Variants in NR1H4 observed in about 807,000 individuals in gnomAD.
NR1H4 encodes bile acid receptor.
NR1H4 carries 23 observed loss-of-function variants against 58.5 expected under a neutral mutation model. The ratio of observed to expected loss-of-function variants is 0.39; its 90% CI spans 0.28 to 0.56. NR1H4 has a LOEUF of 0.56. NR1H4 is among the 20% of genes least tolerant of loss of function. NR1H4 has a pLI of 0.58. For missense variants in NR1H4, 487 were observed against 576.9 expected (o/e 0.84, Z 1.60); for synonymous variants, 214 against 198.0 (o/e 1.08, Z -0.68).
rs1326826770 is a variant in NR1H4, at chr12:100,559,925, C to T, written c.1079-1960C>T. On this transcript the variant is annotated intron_variant, in intron 9 of 10. Transcript: ENST00000392986. ...ACCAATCAGCACCCTGTGTCTAGCT[C>T]AAGGTTTGTGAGTGCACCAATCGAC... 2.0e-5 allele frequency among the ~76,000 whole-genome samples: 3 copies of T among 152,186 alleles called. No individual in the cohort carries two copies. The East Asian group carries it at 5.8e-4, about 29-fold the overall frequency.
intron 4 of NR1H4, among the ~76,000 whole-genome samples, chr12:100,517,363 C>A (rs181440001): frequency 6.6e-6 from 1 of 152,158 alleles, no homozygotes; most frequent in Non-Finnish European, 1.5e-5. Flanking sequence ...GGCAGGATTT[C>A]ATTCTTTTTT....
At chr12:100,506,754 C>T (rs1294907282) in intron 3 of NR1H4, among the ~76,000 whole-genome samples, 2 of 152,200 alleles carry the variant, frequency 1.3e-5, no homozygotes, top group Non-Finnish European at 2.9e-5. Flanking sequence ...GTGATCCACT[C>T]GCCTTTGCCT....
intron 4 of NR1H4, among the ~76,000 whole-genome samples, chr12:100,514,803 C>T (rs997085428): frequency 6.6e-6 from 1 of 152,022 alleles, no homozygotes; most frequent in African/African-American, 2.4e-5. Flanking sequence ...ATAGCATAAG[C>T]TATATTATAT....
Position 100,483,355 on chromosome 12 carries a change from TTTAA to T in NR1H4, c.-189-9143_-189-9140del, listed in dbSNP as rs369230768. Reference sequence around the variant, plus strand: ...ATCCAGAGAATGCTATTATTAAAAATTTAATTAAAATGTTAATTTAAATATTAAA... The same window carrying T: ...ATCCAGAGAATGCTATTATTAAAAATTTAAAATGTTAATTTAAATATTAAA... On this transcript the variant is annotated intron_variant, in intron 1 of 10. Coordinates refer to ENST00000392986, the MANE Select transcript of NR1H4 (RefSeq NM_001206979.2). Among the ~76,000 whole-genome samples, 534 of 152,350 alleles carry T rather than the reference TTTAA, an allele frequency of 3.5e-3. 1 individual carries two copies. The highest frequency in any genetic ancestry group is 6.3e-3 in the Non-Finnish European group (431 of 68,038).
intron 2 of NR1H4, 73 bp from the exon 3 acceptor site, chr12:100,493,197 G>C: frequency 1.5e-6 from 1 of 687,328 alleles, no homozygotes; most frequent in Non-Finnish European, 2.7e-6. Flanking sequence ...CTATCTCGCT[G>C]TCTCCTTCCC....
intron 3 of NR1H4, among the ~76,000 whole-genome samples, chr12:100,509,915 G>A (rs12307295): frequency 0.045 from 5,954 of 131,658 alleles, 359 homozygotes; most frequent in African/African-American, 0.19. Context: ...GCACGTGCGC[G>A]CACACACACA....
At chr12:100,542,562 A>G (rs1954963049) in intron 9 of NR1H4, among the ~76,000 whole-genome samples, 1 of 152,172 alleles carries the variant, frequency 6.6e-6, no homozygotes, top group African/African-American at 2.4e-5. Flanking sequence ...GAGATTTCAT[A>G]TATGGGTTGG....
At chr12:100,494,299 ATAG>A (rs1388539643) in intron 3 of NR1H4, among the ~76,000 whole-genome samples, 1 of 152,178 alleles carries the variant, frequency 6.6e-6, no homozygotes, top group Non-Finnish European at 1.5e-5. Context: ...TTAGTGTGTA[ATAG>A]TTGATTAGGC....
chr12:100,522,427 A>G (rs1954449156), intron 4 of NR1H4, among the ~76,000 whole-genome samples: 1 of 152,180 alleles, frequency 6.6e-6, no homozygotes, highest in Admixed American at 6.5e-5. Flanking sequence ...TTCCCAATGG[A>G]AAATCCTCAA....
At chr12:100,474,443 G>A (rs929609529) in intron 1 of NR1H4, among the ~76,000 whole-genome samples, 6 of 152,166 alleles carry the variant, frequency 3.9e-5, no homozygotes, top group African/African-American at 1.4e-4. Flanking sequence ...GAGTTTGGGA[G>A]TATTGCTAAT....
Position 100,535,034 on chromosome 12 carries a change from G to A in NR1H4, c.732+11G>A. 1 of 1,614,140 alleles carries A rather than the reference G, an allele frequency of 6.2e-7. No homozygotes were observed. The highest frequency in any genetic ancestry group is 8.5e-7 in the Non-Finnish European group (1 of 1,179,980). On this transcript the variant is annotated intron_variant, in intron 6 of 10. Coordinates refer to ENST00000392986, the MANE Select transcript of NR1H4 (RefSeq NM_001206979.2). ...ACAAAGTCATGCAGGGTAATAATAT[G>A]CAATGGTGTCTGCCAAGACTGGCAG...
chr12:100,496,127 C>T (rs1486262211), intron 3 of NR1H4, among the ~76,000 whole-genome samples: 3 of 152,154 alleles, frequency 2.0e-5, no homozygotes, highest in Admixed American at 6.5e-5. Context: ...AAATATCGGA[C>T]ACTGACAATA....
Position 100,473,868 on chromosome 12 carries a change from A to T in NR1H4, c.-381A>T, listed in dbSNP as rs1366855510. ...GGAAGAGATGCTGCTGCTAGCCCAG[A>T]AGGCCGCCTGTGATCATGCACAGTA... On this transcript the variant is annotated 5_prime_UTR_variant, in exon 1 of 11. Transcript: ENST00000392986. 6.6e-6 allele frequency: 1 copy of T among 152,296 alleles called. No individual in the cohort carries two copies. Among genetic ancestry groups the T allele is most frequent in the Non-Finnish European group, 1.5e-5 (1 of 68,126 alleles). 9.4% of individuals were successfully genotyped at this position (152,296 alleles called of 1,614,324 possible).
At chr12:100,506,642 G>A (rs1347747638) in intron 3 of NR1H4, among the ~76,000 whole-genome samples, 5 of 152,100 alleles carry the variant, frequency 3.3e-5, no homozygotes, top group African/African-American at 1.2e-4. Context: ...CCGAGTGGCT[G>A]GGTTACACGC....
chr12:100,515,154 T>C (rs1341539404), intron 4 of NR1H4, among the ~76,000 whole-genome samples: 1 of 151,252 alleles, frequency 6.6e-6, no homozygotes, highest in Non-Finnish European at 1.5e-5. Context: ...GCCTTTGCCA[T>C]TTTGTCAAAG....
At chr12:100,563,184 AT>A in intron 10 of NR1H4, 66 bp from the exon 11 acceptor site, 1 of 1,227,116 alleles carries the variant, frequency 8.1e-7, no homozygotes, top group Non-Finnish European at 1.2e-6. Flanking sequence ...TAACGTTGCT[AT>A]AATTATGCTG....
chr12:100,516,870 C>T (rs894270052), intron 4 of NR1H4, among the ~76,000 whole-genome samples: 7 of 152,146 alleles, frequency 4.6e-5, no homozygotes, highest in Non-Finnish European at 1.0e-4. Context: ...TATTAATTCT[C>T]ATATCTTATG....
chr12:100,475,124 C>G (rs375282457), intron 1 of NR1H4, among the ~76,000 whole-genome samples: 1 of 143,086 alleles, frequency 7.0e-6, no homozygotes, highest in Non-Finnish European at 1.5e-5. Context: ...AAGTGGTTTA[C>G]CTATCTATCT....
chr12:100,490,191 A>G (rs1953576679), intron 1 of NR1H4, among the ~76,000 whole-genome samples: 1 of 152,266 alleles, frequency 6.6e-6, no homozygotes, highest in African/African-American at 2.4e-5. Flanking sequence ...ACTGTATGCC[A>G]GGCCCTTAAT....
Sources: gnomAD v4.1 joint callset for allele counts (sites outside exome capture counted in the v4.1 genomes callset) on GRCh38, gnomAD v4.1.1 for gene constraint, MANE v1.5 for transcripts, NCBI Gene and HGNC (gene_info 2026-07-23, HGNC 2026-07-21) for gene names.